Variants in HPSE2 observed in about 807,000 individuals in gnomAD.
The protein encoded by HPSE2 is heparanase 2 (inactive).
HPSE2 carries 38 observed loss-of-function variants against 60.5 expected under a neutral mutation model. That is an observed-to-expected ratio of 0.63 (90% CI 0.48 to 0.82). The LOEUF (loss-of-function observed/expected upper bound fraction) is 0.82. HPSE2 is among the 40% of genes least tolerant of loss of function. The pLI, the probability that HPSE2 is intolerant of heterozygous loss-of-function variation, is 0.00. For synonymous variants in HPSE2, 295 were observed against 293.2 expected, an observed-to-expected ratio of 1.01 and a Z score of -0.06; for missense variants, 713 against 740.4, an observed-to-expected ratio of 0.96 and a Z score of 0.43.
At chr10:98,905,559 T>C (rs1953792385) in intron 3 of HPSE2, among the ~76,000 whole-genome samples, 1 of 152,164 alleles carries the variant, frequency 6.6e-6, no homozygotes, top group Non-Finnish European at 1.5e-5. Context: ...TTCTATTCAT[T>C]CAGCCTATAG....
chr10:99,179,265 G>T (rs533245062), intron 2 of HPSE2, among the ~76,000 whole-genome samples: 1 of 152,120 alleles, frequency 6.6e-6, no homozygotes, highest in Non-Finnish European at 1.5e-5. Context: ...GGAAGTTTTC[G>T]CTAGGGCAAT....
the HPSE2 span, among the ~76,000 whole-genome samples, chr10:99,265,006 T>C: frequency 6.6e-6 from 1 of 152,140 alleles, no homozygotes; most frequent in Non-Finnish European, 1.5e-5. Flanking sequence ...ATGTCAGGCC[T>C]CTGAGCTCAA....
chr10:98,691,021 T>G (rs2134163243), intron 6 of HPSE2, among the ~76,000 whole-genome samples: 1 of 152,372 alleles, frequency 6.6e-6, no homozygotes, highest in South Asian at 2.1e-4. Flanking sequence ...ACAAATTCTA[T>G]GTTAGTCTCC....
Position 99,093,966 on chromosome 10 carries a change from A to G in HPSE2, c.610+50272T>C, listed in dbSNP as rs1843608610. Among the ~76,000 whole-genome samples the G allele has an allele frequency of 2.0e-5, 3 of 152,212 alleles. No individual in the cohort carries two copies. The South Asian group carries it at 6.2e-4, about 32-fold the overall frequency. ...TATAGATATATATTTTCAATTTTTC[A>G]ACTTTTTAAATTAAGTGCTCAATAC... On this transcript the variant is annotated intron_variant, in intron 3 of 11. Transcript: ENST00000370552.
At chr10:98,826,908 G>A (rs1443600049) in intron 3 of HPSE2, among the ~76,000 whole-genome samples, 1 of 152,136 alleles carries the variant, frequency 6.6e-6, no homozygotes, top group African/African-American at 2.4e-5. Context: ...AGCACTTTGG[G>A]AGGCCAGGGC....
chr10:99,299,958 A>G, the HPSE2 span, among the ~76,000 whole-genome samples: 1 of 149,756 alleles, frequency 6.7e-6, no homozygotes, highest in Admixed American at 6.7e-5. Context: ...GGGACCCCAA[A>G]CCTCCATGAG....
intron 3 of HPSE2, among the ~76,000 whole-genome samples, chr10:98,767,105 A>G (rs1308965048): frequency 1.3e-5 from 2 of 152,206 alleles, no homozygotes; most frequent in African/African-American, 2.4e-5. Context: ...CTTTAGTTTG[A>G]TAAATGGCAT....
chr10:99,055,628 T>C (rs1365273198), intron 3 of HPSE2, among the ~76,000 whole-genome samples: 1 of 152,132 alleles, frequency 6.6e-6, no homozygotes, highest in East Asian at 1.9e-4. Flanking sequence ...CACAAGTATG[T>C]TATCTTACCA....
chr10:98,707,355 C>T (rs1392068452), intron 5 of HPSE2, among the ~76,000 whole-genome samples: 1 of 152,082 alleles, frequency 6.6e-6, no homozygotes, highest in African/African-American at 2.4e-5. Context: ...CCCTACTTGG[C>T]TAAAAGTCTC....
chr10:98,574,972 G>C (rs1002199510), intron 9 of HPSE2, among the ~76,000 whole-genome samples: 1 of 152,074 alleles, frequency 6.6e-6, no homozygotes, highest in African/African-American at 2.4e-5. Context: ...AGGGGGAAAG[G>C]GGGACATTTT....
chr10:99,031,187 A>G (rs1009527728), intron 3 of HPSE2, among the ~76,000 whole-genome samples: 1 of 152,154 alleles, frequency 6.6e-6, no homozygotes, highest in Non-Finnish European at 1.5e-5. Context: ...GGGGACGGAT[A>G]CCACATTCTC....
At chr10:99,311,462 G>A in the HPSE2 span, among the ~76,000 whole-genome samples, 7 of 152,068 alleles carry the variant, frequency 4.6e-5, no homozygotes, top group African/African-American at 1.7e-4. Context: ...TGATTATTAT[G>A]TTTGTTATGG....
the HPSE2 span, among the ~76,000 whole-genome samples, chr10:99,256,089 A>T: frequency 1.3e-5 from 2 of 151,850 alleles, no homozygotes; most frequent in Non-Finnish European, 2.9e-5. Context: ...GCATCGTGAG[A>T]ACAGCAAGGG....
At chr10:98,627,924 A>G (rs756019178) in intron 7 of HPSE2, among the ~76,000 whole-genome samples, 4 of 152,256 alleles carry the variant, frequency 2.6e-5, no homozygotes, top group Non-Finnish European at 5.9e-5. Context: ...TAAAATGCAC[A>G]TGGATAACTC....
At chr10:98,987,187 C>G (rs555802316) in intron 3 of HPSE2, among the ~76,000 whole-genome samples, 2 of 144,706 alleles carry the variant, frequency 1.4e-5, no homozygotes, top group South Asian at 4.4e-4. Context: ...AGAGAGACAA[C>G]AAAAAAAAAA....
At chr10:98,924,383 G>A (rs1350661996) in intron 3 of HPSE2, 1 of 152,268 alleles carries the variant, frequency 6.6e-6, no homozygotes, top group Non-Finnish European at 1.5e-5. Flanking sequence ...AGTTCTTGTA[G>A]GCTCCAGGTG....
the HPSE2 span, among the ~76,000 whole-genome samples, chr10:99,305,319 C>G: frequency 4.6e-5 from 7 of 152,118 alleles, no homozygotes; most frequent in African/African-American, 1.7e-4. Flanking sequence ...AGCCTTGGTT[C>G]TAAACAAAGG....
At chr10:99,274,899 TC>T in the HPSE2 span, among the ~76,000 whole-genome samples, 1 of 152,230 alleles carries the variant, frequency 6.6e-6, no homozygotes, top group South Asian at 2.1e-4. Context: ...CTTAGCTGTC[TC>T]ACTTACATAG....
chr10:99,101,893 A>G (rs1844009978), intron 3 of HPSE2, among the ~76,000 whole-genome samples: 1 of 152,150 alleles, frequency 6.6e-6, no homozygotes, highest in Non-Finnish European at 1.5e-5. Flanking sequence ...TACTGGGTAC[A>G]TAACGAAAAG....
Sources: gnomAD v4.1 joint callset for allele counts (sites outside exome capture counted in the v4.1 genomes callset) on GRCh38, gnomAD v4.1.1 for gene constraint, MANE v1.5 for transcripts, NCBI Gene and HGNC (gene_info 2026-07-23, HGNC 2026-07-21) for gene names.